Variants in MICU2 observed in about 807,000 individuals in gnomAD.
MICU2 encodes the protein mitochondrial calcium uptake 2.
MICU2 carries 64 observed loss-of-function variants against 60.4 expected under a neutral mutation model. The observed-to-expected ratio is 1.06, with a 90% CI of 0.87 to 1.31. The LOEUF is 1.31. Among genes scored for constraint, MICU2 ranks in the 50% most tolerant of loss-of-function variants. MICU2 has a pLI of 0.00. For synonymous variants in MICU2, 201 were observed against 175.0 expected (o/e 1.15, Z -1.17); for missense variants, 569 against 531.0 (o/e 1.07, Z -0.70).
intron 2 of MICU2, among the ~76,000 whole-genome samples, chr13:21,564,657 C>T (rs890000288): frequency 3.9e-5 from 6 of 152,092 alleles, no homozygotes; most frequent in African/African-American, 9.7e-5. Flanking sequence ...AATTTCCATC[C>T]CCCTAGGGTG....
chr13:21,595,525 G>A (rs1888673878), intron 1 of MICU2, among the ~76,000 whole-genome samples: 1 of 152,238 alleles, frequency 6.6e-6, no homozygotes, highest in African/African-American at 2.4e-5. Context: ...GCAGCTCCAG[G>A]GGCCCTTAGG....
intron 2 of MICU2, among the ~76,000 whole-genome samples, chr13:21,556,698 C>T (rs1009965871): frequency 6.6e-6 from 1 of 152,000 alleles, no homozygotes; most frequent in African/African-American, 2.4e-5. Context: ...GGCAAGTTCT[C>T]GGGCAGCAAG....
chr13:21,525,349 C>T (rs552296425), intron 4 of MICU2, among the ~76,000 whole-genome samples: 75 of 151,654 alleles, frequency 4.9e-4, no homozygotes, highest in Middle Eastern at 3.4e-3. Flanking sequence ...CCCACCACCA[C>T]GCCCGGTTAA....
chr13:21,541,006 ACCATGTAC>A (rs1887268994), intron 2 of MICU2, among the ~76,000 whole-genome samples: 1 of 152,178 alleles, frequency 6.6e-6, no homozygotes, highest in Non-Finnish European at 1.5e-5. Flanking sequence ...AATAGTCATT[ACCATGTAC>A]CCTTTTATTT....
At chr13:21,558,916 C>T (rs944071081) in intron 2 of MICU2, among the ~76,000 whole-genome samples, 13 of 152,206 alleles carry the variant, frequency 8.5e-5, no homozygotes, top group African/African-American at 2.6e-4. Context: ...TGCTGGTATC[C>T]GGTTTCTCTG....
At chr13:21,570,128 C>T (rs1166305796) in intron 1 of MICU2, among the ~76,000 whole-genome samples, 2 of 152,128 alleles carry the variant, frequency 1.3e-5, no homozygotes, top group African/African-American at 4.8e-5. Flanking sequence ...TATTACTTCT[C>T]TAGTTCAATC....
At chr13:21,531,347 TG>T in intron 4 of MICU2, 1 of 1,467,554 alleles carries the variant, frequency 6.8e-7, no homozygotes, top group Non-Finnish European at 9.4e-7. Context: ...AAAAACTTGA[TG>T]GAATGCTTTT....
intron 1 of MICU2, among the ~76,000 whole-genome samples, chr13:21,576,372 T>A (rs1316937130): frequency 6.6e-6 from 1 of 152,104 alleles, no homozygotes; most frequent in Non-Finnish European, 1.5e-5. Context: ...GCAAAAAGAC[T>A]TCCTGGAAAC....
At chr13:21,494,248 T>C (rs1000525562) in intron 11 of MICU2, among the ~76,000 whole-genome samples, 6 of 152,328 alleles carry the variant, frequency 3.9e-5, no homozygotes, top group African/African-American at 1.4e-4. Flanking sequence ...AAGTTGTAAA[T>C]AGCTTTATTT....
chr13:21,590,876 AAAAAGAAGCACTAAATATGG>A (rs1888565844), intron 1 of MICU2, among the ~76,000 whole-genome samples: 1 of 152,076 alleles, frequency 6.6e-6, no homozygotes, highest in African/African-American at 2.4e-5. Context: ...ACAAACAAAC[AAAAAGAAGCACTAAATATGG>A]AAAAGAAGAA....
At position 21,503,037 on chromosome 13, in the gene MICU2, A is replaced by T. The variant is rs766517159; in HGVS notation, c.822T>A (p.Gly274=). Residue 274 remains glycine, a synonymous_variant, in exon 9 of 12, where the codon GGT becomes GGA. Coordinates refer to ENST00000382374, the MANE Select transcript of MICU2 (RefSeq NM_152726.3). ...AGTCTTCTTTTCTCATGAAACTCAA[A>T]CCTTTAGAAAACTGAAGGAATTCCA... ...QEMEFLQFSK[G]LSFMRKEDFA... is the part of the protein sequence containing the mutation. The T allele has an allele frequency of 6.2e-7, 1 of 1,608,734 alleles. No homozygotes were observed. The highest frequency in any genetic ancestry group is 8.5e-7 in the Non-Finnish European group (1 of 1,178,450).
At chr13:21,510,320 A>T (rs530426353) in intron 7 of MICU2, among the ~76,000 whole-genome samples, 1 of 152,334 alleles carries the variant, frequency 6.6e-6, no homozygotes, top group South Asian at 2.1e-4. Context: ...AATAAGGGAT[A>T]AAATACTCAA....
intron 9 of MICU2, among the ~76,000 whole-genome samples, chr13:21,497,200 G>GAA (rs113779425): frequency 3.4e-5 from 4 of 117,974 alleles, no homozygotes; most frequent in African/African-American, 9.2e-5. Flanking sequence ...TGGTGAAAAA[G>GAA]AAAAAAAAAA....
At chr13:21,525,180 A>ATT (rs1286685277) in intron 4 of MICU2, among the ~76,000 whole-genome samples, 2 of 119,766 alleles carry the variant, frequency 1.7e-5, no homozygotes, top group Admixed American at 8.9e-5. Flanking sequence ...TGTGTAATTC[A>ATT]ATTTTTTTTT....
intron 9 of MICU2, among the ~76,000 whole-genome samples, chr13:21,499,101 C>A (rs768567407): frequency 1.1e-4 from 17 of 152,106 alleles, no homozygotes; most frequent in Admixed American, 2.6e-4. Context: ...CAGGCATGCG[C>A]CACCACGCCC....
intron 9 of MICU2, chr13:21,496,431 C>A: frequency 2.7e-6 from 1 of 376,104 alleles, no homozygotes; most frequent in Non-Finnish European, 4.8e-6. Context: ...GCCTCCAGAA[C>A]TGTGAGAAAT....
chr13:21,505,927 A>C (rs1366602276), intron 8 of MICU2, among the ~76,000 whole-genome samples: 1 of 152,176 alleles, frequency 6.6e-6, no homozygotes, highest in Non-Finnish European at 1.5e-5. Flanking sequence ...AATACTTAGA[A>C]AGACGCCATG....
chr13:21,565,176 T>C (rs915066396), intron 2 of MICU2, among the ~76,000 whole-genome samples: 1 of 152,200 alleles, frequency 6.6e-6, no homozygotes, highest in Non-Finnish European at 1.5e-5. Context: ...TGTACTAATG[T>C]GGGTAAATAT....
chr13:21,589,714 T>G (rs1218817431), intron 1 of MICU2, among the ~76,000 whole-genome samples: 1 of 152,130 alleles, frequency 6.6e-6, no homozygotes, highest in African/African-American at 2.4e-5. Flanking sequence ...CGATTACCTA[T>G]TCCACCCTGA....
Sources: gnomAD v4.1 joint callset for allele counts (sites outside exome capture counted in the v4.1 genomes callset) on GRCh38, gnomAD v4.1.1 for gene constraint, MANE v1.5 for transcripts, NCBI Gene and HGNC (gene_info 2026-07-23, HGNC 2026-07-21) for gene names.